Variants in CACNA1A observed in about 807,000 individuals in gnomAD.
The protein encoded by CACNA1A is calcium voltage-gated channel subunit alpha1 A.
In CACNA1A, 57 loss-of-function variants were observed where a neutral mutation model predicts 262.4. That is an observed-to-expected ratio of 0.22 (90% CI 0.18 to 0.27). The LOEUF (loss-of-function observed/expected upper bound fraction) is 0.27, where lower values mean the gene tolerates loss of function less well. CACNA1A is among the 10% of genes least tolerant of loss of function. The pLI is 1.00. For missense variants in CACNA1A, 2,526 were observed against 3,562.8 expected, an observed-to-expected ratio of 0.71 and a Z score of 7.41; for synonymous variants, 1,431 against 1,419.3, an observed-to-expected ratio of 1.01 and a Z score of -0.18.
chr19:13,404,758 G>A (rs2059972366), intron 3 of CACNA1A, among the ~76,000 whole-genome samples: 2 of 152,190 alleles, frequency 1.3e-5, no homozygotes, highest in African/African-American at 4.8e-5. Context: ...ATCCCCAGGG[G>A]TGGGTCATGA....
rs1054266497 is a variant in CACNA1A, at chr19:13,393,045, A to G, written c.540-21266T>C. 1.2e-4 allele frequency among the ~76,000 whole-genome samples: 18 copies of G among 152,316 alleles called. No individual in the cohort carries two copies. The South Asian group carries it at 3.7e-3, about 32-fold the overall frequency. On this transcript the variant is annotated intron_variant, in intron 3 of 46. Coordinates refer to ENST00000360228, the MANE Select transcript of CACNA1A (RefSeq NM_001127222.2). ...CAGCCTCCCAAAGTGCTGGGATTAC[A>G]GGCATGAGCCACTGTGCCCGGCCAA...
chr19:13,341,912 A>G (rs1169032599), intron 6 of CACNA1A, among the ~76,000 whole-genome samples: 2 of 152,156 alleles, frequency 1.3e-5, no homozygotes, highest in African/African-American at 4.8e-5. Context: ...CCCCTAGGAC[A>G]ACATCTGGCA....
chr19:13,422,479 A>G (rs1190764593), intron 3 of CACNA1A, among the ~76,000 whole-genome samples: 1 of 152,228 alleles, frequency 6.6e-6, no homozygotes, highest in Non-Finnish European at 1.5e-5. Context: ...TATTCTGTGT[A>G]GTAAAGAGTT....
At chr19:13,337,090 CT>C (rs1213423057) in intron 6 of CACNA1A, among the ~76,000 whole-genome samples, 2 of 152,220 alleles carry the variant, frequency 1.3e-5, no homozygotes, top group Admixed American at 6.5e-5. Context: ...TACCAGGTGT[CT>C]GTGAAGCTGT....
intron 22 of CACNA1A, among the ~76,000 whole-genome samples, chr19:13,282,160 G>C (rs773477910): frequency 1.1e-4 from 17 of 152,196 alleles, no homozygotes; most frequent in African/African-American, 3.9e-4. Context: ...CAGGTCCCCA[G>C]GGGGGCCTGC....
chr19:13,298,937 C>A lies in CACNA1A; in HGVS notation c.2696G>T (p.Arg899Leu). Reference sequence around the variant, plus strand: ...CTCCCGGGCGTGGTGGTCCGACTCGCGGCCGTAGGGTCCCTCCCGGCTCAG... The same window carrying A: ...CTCCCGGGCGTGGTGGTCCGACTCGAGGCCGTAGGGTCCCTCCCGGCTCAG... ...AELSREGPYGRESDHHAREGS... is the reference protein window; with the variant it reads ...AELSREGPYGLESDHHAREGS... The change falls in exon 19 of 47, where the codon CGC (arginine) becomes CTC (leucine). Residue 899 changes from arginine to leucine, a missense_variant. This residue lies in a region of CACNA1A where 765 missense variants were observed against 748.6 expected (regional missense o/e 1.02). Coordinates refer to ENST00000360228, the MANE Select transcript of CACNA1A (RefSeq NM_001127222.2). The A allele has an allele frequency of 1.3e-6, 2 of 1,593,374 alleles. No homozygotes were observed. Among genetic ancestry groups the A allele is most frequent in the Non-Finnish European group, 1.7e-6 (2 of 1,177,298 alleles).
intron 19 of CACNA1A, among the ~76,000 whole-genome samples, chr19:13,290,479 G>A (rs1373863956): frequency 6.6e-6 from 1 of 152,012 alleles, no homozygotes; most frequent in Non-Finnish European, 1.5e-5. Context: ...AAGTGCAGTG[G>A]TATGACCATA....
chr19:13,375,249 T>A (rs2059385462), intron 3 of CACNA1A, among the ~76,000 whole-genome samples: 1 of 152,274 alleles, frequency 6.6e-6, no homozygotes, highest in South Asian at 2.1e-4. Flanking sequence ...ACCACATCCA[T>A]AGAAGATGGC....
At chr19:13,314,569 C>A (rs2058090661) in intron 11 of CACNA1A, among the ~76,000 whole-genome samples, 2 of 152,150 alleles carry the variant, frequency 1.3e-5, no homozygotes, top group Admixed American at 1.3e-4. Context: ...AAGGTGCAAT[C>A]TTGGAAGCAG....
chr19:13,334,616 G>A (rs1413757288), intron 7 of CACNA1A, 123 bp from the exon 8 acceptor site: 8 of 610,352 alleles, frequency 1.3e-5, no homozygotes, highest in Non-Finnish European at 2.3e-5. Context: ...TGTGTTTGGG[G>A]ATTCAGAAGT....
chr19:13,462,747 A>G (rs1352003035), intron 1 of CACNA1A, among the ~76,000 whole-genome samples: 3 of 152,118 alleles, frequency 2.0e-5, no homozygotes, highest in African/African-American at 7.2e-5. Context: ...GCCCAACTCC[A>G]CAGTCTATGC....
chr19:13,227,404 C>A, intron 37 of CACNA1A, 27 bp downstream of exon 37: 2 of 1,253,502 alleles, frequency 1.6e-6, no homozygotes, highest in Admixed American at 2.0e-5. Flanking sequence ...AGTGCCTGGA[C>A]GTCGGTGGTC....
At chr19:13,457,209 A>T (rs1286475544) in intron 1 of CACNA1A, among the ~76,000 whole-genome samples, 1 of 151,718 alleles carries the variant, frequency 6.6e-6, no homozygotes, top group African/African-American at 2.4e-5. Flanking sequence ...CCATGACTGC[A>T]CCACTGCACT....
At chr19:13,393,652 CTGTCTTCCTCT>C (rs1343458731) in intron 3 of CACNA1A, among the ~76,000 whole-genome samples, 2 of 144,050 alleles carry the variant, frequency 1.4e-5, no homozygotes, top group Non-Finnish European at 3.0e-5. Flanking sequence ...CTTTCTTTCT[CTGTCTTCCTCT>C]TTTCTTTCTT....
At position 13,321,575 on chromosome 19, in the gene CACNA1A, G is replaced by A. The variant is rs73513481; in HGVS notation, c.1346-4254C>T. Among the ~76,000 whole-genome samples the A allele has an allele frequency of 3.4e-3, 522 of 152,220 alleles. 1 individual carries two copies. The highest frequency in any genetic ancestry group is 0.012 in the African/African-American group (489 of 41,540). ...GTAGCCTACTCCACACCCAGGCTAC[G>A]TGGTTTGTAGCTCCTCGGCTACAAA... is the stretch of plus-strand genomic sequence containing the variant. On this transcript the variant is annotated intron_variant, in intron 10 of 46. Transcript: ENST00000360228.
intron 1 of CACNA1A, among the ~76,000 whole-genome samples, chr19:13,464,565 TA>T (rs1323559039): frequency 3.0e-5 from 4 of 134,910 alleles, no homozygotes; most frequent in Non-Finnish European, 4.8e-5. Context: ...TTTTTTTTTT[TA>T]GAGACCGAGT....
intron 10 of CACNA1A, among the ~76,000 whole-genome samples, chr19:13,322,012 G>GC (rs939103906): frequency 6.6e-6 from 1 of 152,048 alleles, no homozygotes; most frequent in Non-Finnish European, 1.5e-5. Flanking sequence ...GACCAGCCTG[G>GC]CCAACATGGT....
intron 10 of CACNA1A, among the ~76,000 whole-genome samples, chr19:13,322,592 TTG>T (rs2058277172): frequency 7.3e-6 from 1 of 136,236 alleles, no homozygotes; most frequent in African/African-American, 3.0e-5. Context: ...TTGTTATGAT[TTG>T]TCTTTTTTTT....
At position 13,349,760 on chromosome 19, in the gene CACNA1A, T is replaced by C. The variant is rs74258411; in HGVS notation, c.978+9846A>G. On this transcript the variant is annotated intron_variant, in intron 6 of 46. Coordinates refer to ENST00000360228, the MANE Select transcript of CACNA1A (RefSeq NM_001127222.2). ...AGCTCTGGGACTCAGTTTCTTCATCTGTAAAATGGGGATATTAAAGGCCCT... is the reference window on the plus strand; with the variant it reads ...AGCTCTGGGACTCAGTTTCTTCATCCGTAAAATGGGGATATTAAAGGCCCT... Among the ~76,000 whole-genome samples, 269 of 152,352 alleles carry C rather than the reference T, an allele frequency of 1.8e-3. 2 individuals are homozygous for C. The East Asian group carries it at 0.037, about 21-fold the overall frequency.
Sources: gnomAD v4.1 joint callset for allele counts (sites outside exome capture counted in the v4.1 genomes callset) on GRCh38, gnomAD v4.1.1 for gene constraint, gnomAD v4.1.1 regional missense constraint, MANE v1.5 for transcripts, NCBI Gene and HGNC (gene_info 2026-07-23, HGNC 2026-07-21) for gene names.